The following CA10 variants were observed in gnomAD, a reference collection of about 807,000 sequenced individuals.
The protein encoded by CA10 is carbonic anhydrase 10 (inactive), also known as carbonic anhydrase-related protein 10.
A neutral mutation model predicts 44.2 loss-of-function variants in CA10; 14 were observed. That is an observed-to-expected ratio of 0.32 (90% CI 0.21 to 0.50). The LOEUF (loss-of-function observed/expected upper bound fraction) is 0.50, where lower values mean the gene tolerates loss of function less well. CA10 is among the 20% of genes least tolerant of loss of function. The probability of loss-of-function intolerance (pLI) is 0.99; values close to 1 mark genes in which losing one functional copy is unlikely to be tolerated. For synonymous variants in CA10, 159 were observed against 141.6 expected (o/e 1.12, Z -0.87); for missense variants, 350 against 409.7 (o/e 0.85, Z 1.26).
intron 3 of CA10, among the ~76,000 whole-genome samples, chr17:51,909,621 C>A (rs888038016): frequency 6.6e-6 from 1 of 152,230 alleles, no homozygotes; most frequent in Admixed American, 6.5e-5. Flanking sequence ...AGGACAAAGA[C>A]CCCATTTCAG....
intron 1 of CA10, among the ~76,000 whole-genome samples, chr17:52,148,508 T>A (rs918933367): frequency 6.6e-6 from 1 of 152,174 alleles, no homozygotes; most frequent in Non-Finnish European, 1.5e-5. Flanking sequence ...TCAAACATAT[T>A]GCTCATTGGG....
chr17:51,988,978 T>A (rs1054315734), intron 2 of CA10, among the ~76,000 whole-genome samples: 3 of 152,038 alleles, frequency 2.0e-5, no homozygotes, highest in Admixed American at 6.6e-5. Context: ...TCTCAATTCA[T>A]ATTTAAGTGC....
intron 4 of CA10, among the ~76,000 whole-genome samples, chr17:51,726,450 C>G (rs1916525145): frequency 6.7e-6 from 1 of 148,618 alleles, no homozygotes; most frequent in South Asian, 2.1e-4. Flanking sequence ...GTATTCTCAC[C>G]ACAAGAAAAC....
chr17:51,806,451 C>T (rs544306176), intron 3 of CA10, among the ~76,000 whole-genome samples: 4 of 152,206 alleles, frequency 2.6e-5, no homozygotes, highest in African/African-American at 7.2e-5. Context: ...GCTATCAACT[C>T]GTTTGGTGGA....
chr17:52,113,312 G>A (rs1240937098), intron 1 of CA10, among the ~76,000 whole-genome samples: 1 of 152,114 alleles, frequency 6.6e-6, no homozygotes, highest in Non-Finnish European at 1.5e-5. Flanking sequence ...TGAATAAATA[G>A]ATTACACTTC....
intron 2 of CA10, among the ~76,000 whole-genome samples, chr17:52,040,140 T>C (rs1488514559): frequency 2.6e-5 from 3 of 114,890 alleles, no homozygotes; most frequent in African/African-American, 1.2e-4. Flanking sequence ...TCCTTTCTTT[T>C]TTTTCTTTTT....
chr17:51,766,523 G>A (rs1037352522), intron 3 of CA10, among the ~76,000 whole-genome samples: 60 of 152,132 alleles, frequency 3.9e-4, no homozygotes, highest in African/African-American at 1.4e-3. Flanking sequence ...TCATGGTGTT[G>A]GGCAGGTTGC....
chr17:51,827,280 A>C (rs2143775521), intron 3 of CA10, among the ~76,000 whole-genome samples: 1 of 152,274 alleles, frequency 6.6e-6, no homozygotes, highest in South Asian at 2.1e-4. Context: ...AGGACTTCTC[A>C]GAGCATTTCA....
chr17:51,668,093 C>T (rs1230551398), intron 4 of CA10, among the ~76,000 whole-genome samples: 1 of 152,248 alleles, frequency 6.6e-6, no homozygotes, highest in Non-Finnish European at 1.5e-5. Context: ...TCTGGGGCCT[C>T]TGTCTTTTGC....
intron 2 of CA10, among the ~76,000 whole-genome samples, chr17:52,031,305 A>T (rs1275943751): frequency 1.3e-5 from 2 of 151,908 alleles, no homozygotes; most frequent in Non-Finnish European, 2.9e-5. Flanking sequence ...ATGCACCACC[A>T]TGCCTGGCGA....
chr17:51,868,806 A>G (rs956356790), intron 3 of CA10, among the ~76,000 whole-genome samples: 2 of 152,076 alleles, frequency 1.3e-5, no homozygotes, highest in African/African-American at 4.8e-5. Flanking sequence ...TTCTTGCCCA[A>G]GAGTGTTGAT....
At chr17:51,979,350 A>G (rs1166080068) in intron 2 of CA10, among the ~76,000 whole-genome samples, 1 of 152,180 alleles carries the variant, frequency 6.6e-6, no homozygotes, top group Non-Finnish European at 1.5e-5. Flanking sequence ...CTTTTATTTT[A>G]TATTTAGGGG....
chr17:51,855,493 A>G (rs1224715727), intron 3 of CA10, among the ~76,000 whole-genome samples: 3 of 152,206 alleles, frequency 2.0e-5, no homozygotes, highest in East Asian at 1.9e-4. Flanking sequence ...AAAAAACTCA[A>G]AAAGCATTTG....
chr17:51,683,670 T>C (rs1221153518), intron 4 of CA10, among the ~76,000 whole-genome samples: 2 of 152,190 alleles, frequency 1.3e-5, no homozygotes, highest in African/African-American at 2.4e-5. Context: ...TTCGCGTTTA[T>C]TGACAGATGA....
chr17:51,997,967 C>A (rs1269925678), intron 2 of CA10, among the ~76,000 whole-genome samples: 1 of 152,060 alleles, frequency 6.6e-6, no homozygotes, highest in Admixed American at 6.6e-5. Flanking sequence ...CCTAAGGTCA[C>A]TTTCCTAGTG....
At chr17:51,742,133 G>T (rs1252841297) in intron 4 of CA10, among the ~76,000 whole-genome samples, 3 of 152,156 alleles carry the variant, frequency 2.0e-5, no homozygotes, top group Non-Finnish European at 4.4e-5. Flanking sequence ...CTGTCTGGGA[G>T]GAGAGAAAGG....
At chr17:51,867,744 T>C (rs1368878023) in intron 3 of CA10, among the ~76,000 whole-genome samples, 3 of 152,200 alleles carry the variant, frequency 2.0e-5, no homozygotes, top group Non-Finnish European at 4.4e-5. Context: ...TGTCTGTAAT[T>C]GATCAGATTC....
intron 3 of CA10, among the ~76,000 whole-genome samples, chr17:51,755,119 A>C (rs1270378044): frequency 6.6e-6 from 1 of 152,218 alleles, no homozygotes; most frequent in Non-Finnish European, 1.5e-5. Flanking sequence ...AAAGATGTAC[A>C]TCTGAATGAT....
At chr17:52,042,485 A>T (rs538049652) in intron 2 of CA10, among the ~76,000 whole-genome samples, 2 of 152,084 alleles carry the variant, frequency 1.3e-5, no homozygotes, top group Admixed American at 6.5e-5. Flanking sequence ...TAAGTTTCTT[A>T]TATATTTTAG....
Sources: gnomAD v4.1 joint callset for allele counts (sites outside exome capture counted in the v4.1 genomes callset) on GRCh38, gnomAD v4.1.1 for gene constraint, MANE v1.5 for transcripts, NCBI Gene and HGNC (gene_info 2026-07-23, HGNC 2026-07-21) for gene names.